EFCAB14: variants seen among roughly 807,000 people sequenced by gnomAD.
The protein encoded by EFCAB14 is EF-hand calcium binding domain 14, also known as EF-hand calcium-binding domain-containing protein 14.
A neutral mutation model predicts 56.5 loss-of-function variants in EFCAB14; 43 were observed. The observed-to-expected ratio is 0.76, with a 90% CI of 0.60 to 0.98. EFCAB14 has a LOEUF of 0.98. EFCAB14 is among the 50% of genes least tolerant of loss of function. The pLI, the probability that EFCAB14 is intolerant of heterozygous loss-of-function variation, is 0.00. For missense variants in EFCAB14, 538 were observed against 580.3 expected, an observed-to-expected ratio of 0.93 and a Z score of 0.75; for synonymous variants, 235 against 212.9, an observed-to-expected ratio of 1.10 and a Z score of -0.90.
At chr1:46,716,249 A>C (rs1299430986) in intron 2 of EFCAB14, 46 bp downstream of exon 2, 2 of 14,452 alleles carry the variant, frequency 1.4e-4, no homozygotes, top group South Asian at 1.8e-3. Flanking sequence ...ACCCTGTCTC[A>C]AAAAAAAAAA....
intron 2 of EFCAB14, among the ~76,000 whole-genome samples, chr1:46,715,325 G>A (rs927178488): frequency 6.6e-6 from 1 of 152,168 alleles, no homozygotes; most frequent in African/African-American, 2.4e-5. Flanking sequence ...TGGGCAGCAA[G>A]GGGCAAGAGG....
At chr1:46,694,717 C>T (rs1677052730) in intron 4 of EFCAB14, among the ~76,000 whole-genome samples, 1 of 152,168 alleles carries the variant, frequency 6.6e-6, no homozygotes, top group African/African-American at 2.4e-5. Flanking sequence ...ACCCAGCCAT[C>T]CCGTTACTGG....
intron 3 of EFCAB14, among the ~76,000 whole-genome samples, chr1:46,702,014 G>A (rs1677165777): frequency 6.6e-6 from 1 of 152,200 alleles, no homozygotes; most frequent in South Asian, 2.1e-4. Context: ...GCCTCTAACA[G>A]ATGCATTCTA....
At position 46,717,964 on chromosome 1, in the gene EFCAB14, C is replaced by CA; in HGVS notation, c.123dup (p.Glu42Ter). ...TCCTCTTCCTCTTCGGAGCTGGACT[C>CA]AGAGTCTGAGTCGGGAGGCTCAGTG... is the stretch of plus-strand genomic sequence containing the variant. On this transcript the variant is annotated frameshift_variant, in exon 1 of 11. Transcript: ENST00000371933. LOFTEE classifies it high-confidence loss of function. The CA allele has an allele frequency of 2.5e-6, 4 of 1,614,224 alleles. No homozygotes were observed. The highest frequency in any genetic ancestry group is 1.1e-5 in the South Asian group (1 of 91,084).
chr1:46,712,356 A>G (rs1677322192), intron 2 of EFCAB14, among the ~76,000 whole-genome samples: 1 of 152,188 alleles, frequency 6.6e-6, no homozygotes, highest in Non-Finnish European at 1.5e-5. Context: ...AGGATGGTTG[A>G]GAATAGAATC....
intron 5 of EFCAB14, among the ~76,000 whole-genome samples, chr1:46,691,297 G>T (rs571078764): frequency 6.6e-6 from 1 of 152,252 alleles, no homozygotes; most frequent in East Asian, 1.9e-4. Context: ...TCAGCTGGGG[G>T]TTGAGGGATG....
chr1:46,689,603 C>T lies in EFCAB14; in HGVS notation c.779G>A (p.Ser260Asn). Residue 260 changes from serine (S) to asparagine (N), a missense_variant, in exon 6 of 11, where the codon AGT becomes AAT. Physicochemically the swap from Ser to Asn is conservative, Grantham distance 46. Coordinates refer to ENST00000371933, the MANE Select transcript of EFCAB14 (RefSeq NM_014774.3). ...ATSELDNKTH[S>N]ENLKQDILYL... ...AAAAAGCACCTGTTTCAAATTCTCA[C>T]TGTGGGTTTTATTGTCAAGTTCTGA... The T allele has an allele frequency of 6.2e-7, 1 of 1,613,862 alleles. No individual in the cohort carries two copies. Among genetic ancestry groups the T allele is most frequent in the South Asian group, 1.1e-5 (1 of 91,072 alleles).
intron 8 of EFCAB14, among the ~76,000 whole-genome samples, chr1:46,685,994 T>C (rs1676875159): frequency 6.6e-6 from 1 of 152,242 alleles, no homozygotes; most frequent in African/African-American, 2.4e-5. Flanking sequence ...CTTTACTGTG[T>C]GGTTCCAGTT....
intron 3 of EFCAB14, among the ~76,000 whole-genome samples, chr1:46,697,295 T>C (rs143769042): frequency 7.2e-5 from 11 of 152,362 alleles, no homozygotes; most frequent in Non-Finnish European, 1.5e-4. Flanking sequence ...ATGCAATGTA[T>C]GTATTAAAAT....
At chr1:46,703,552 A>T (rs1359783726) in intron 3 of EFCAB14, among the ~76,000 whole-genome samples, 2 of 152,238 alleles carry the variant, frequency 1.3e-5, no homozygotes, top group Non-Finnish European at 2.9e-5. Flanking sequence ...GCCTGAAAGA[A>T]GCCTATCTAA....
intron 3 of EFCAB14, among the ~76,000 whole-genome samples, chr1:46,706,323 G>C (rs757271447): frequency 2.6e-5 from 4 of 152,150 alleles, no homozygotes; most frequent in South Asian, 2.1e-4. Flanking sequence ...GGCAGGCTAA[G>C]AATAAAATGA....
chr1:46,706,023 C>A (rs1677228745), intron 3 of EFCAB14, among the ~76,000 whole-genome samples: 2 of 151,836 alleles, frequency 1.3e-5, no homozygotes, highest in African/African-American at 2.4e-5. Flanking sequence ...CGCCACCATG[C>A]CCGGCTAATT....
intron 2 of EFCAB14, among the ~76,000 whole-genome samples, chr1:46,714,514 G>C (rs926040761): frequency 6.6e-6 from 1 of 151,824 alleles, no homozygotes; most frequent in African/African-American, 2.4e-5. Flanking sequence ...AATTTGGGCC[G>C]AGCACAATGG....
At chr1:46,685,139 G>A (rs1457437345) in intron 8 of EFCAB14, 1 of 152,462 alleles carries the variant, frequency 6.6e-6, no homozygotes, top group South Asian at 2.1e-4. Context: ...TCAACTGGTG[G>A]CAGAAACTGT....
Position 46,717,912 on chromosome 1 carries a change from C to A in EFCAB14, c.176G>T (p.Arg59Leu). ...EEFGVVGNRSRFAKGDYLRCC... is the reference protein window; with the variant it reads ...EEFGVVGNRSLFAKGDYLRCC... ...TTTCACCACTACTCACTTGGCAAAG[C>A]GAGAGCGATTTCCAACCACACCGAA... The change falls in exon 1 of 11, where the codon CGC becomes CTC. Residue 59 changes from arginine to leucine, a missense_variant. By Grantham distance (102) the Arg-to-Leu change is moderately radical. Transcript: ENST00000371933. 1 of 1,613,256 alleles carries A rather than the reference C, an allele frequency of 6.2e-7. No individual in the cohort carries two copies. The highest frequency in any genetic ancestry group is 1.1e-5 in the South Asian group (1 of 91,030).
At chr1:46,705,469 T>TGGG (rs1006650618) in intron 3 of EFCAB14, among the ~76,000 whole-genome samples, 1 of 152,236 alleles carries the variant, frequency 6.6e-6, no homozygotes, top group Non-Finnish European at 1.5e-5. Flanking sequence ...GACTCCTGGC[T>TGGG]GGGGCCACTG....
At chr1:46,700,458 T>C (rs1677138541) in intron 3 of EFCAB14, among the ~76,000 whole-genome samples, 1 of 152,162 alleles carries the variant, frequency 6.6e-6, no homozygotes, top group East Asian at 1.9e-4. Flanking sequence ...AACCATAAAC[T>C]TCCTAAGAGA....
chr1:46,718,201 A>C lies in EFCAB14; in HGVS notation c.-114T>G. The C allele has an allele frequency of 8.7e-7, 1 of 1,155,622 alleles. No individual in the cohort carries two copies. Among genetic ancestry groups the C allele is most frequent in the South Asian group, 1.5e-5 (1 of 67,134 alleles). 71.6% of individuals were successfully genotyped at this position (1,155,622 alleles called of 1,614,324 possible). A position where few individuals can be genotyped will look rare whatever the true frequency, so the allele number is the denominator to read the frequency against. ...TCCAGGGTTGGGAATCCTGGGCCAG[A>C]GCCCCCTGGTCACTCCCACCTAGGG... On this transcript the variant is annotated 5_prime_UTR_variant, in exon 1 of 11. Transcript: ENST00000371933.
chr1:46,708,777 T>C (rs956509569), intron 2 of EFCAB14, among the ~76,000 whole-genome samples: 2 of 152,238 alleles, frequency 1.3e-5, no homozygotes, highest in African/African-American at 4.8e-5. Context: ...AGTATGATAT[T>C]TGGCCTTTCT....
Sources: gnomAD v4.1 joint callset for allele counts (sites outside exome capture counted in the v4.1 genomes callset) on GRCh38, gnomAD v4.1.1 for gene constraint, MANE v1.5 for transcripts, NCBI Gene and HGNC (gene_info 2026-07-23, HGNC 2026-07-21) for gene names.